The following BCHE variants were observed in gnomAD, a reference collection of about 807,000 sequenced individuals.
BCHE encodes butyrylcholinesterase.
A neutral mutation model predicts 51.3 loss-of-function variants in BCHE; 48 were observed. That is an observed-to-expected ratio of 0.94 (90% CI 0.74 to 1.19). BCHE has a LOEUF of 1.19. BCHE is among the 50% of genes most tolerant of loss of function. The pLI is 0.00. For missense variants in BCHE, 847 were observed against 708.2 expected, an observed-to-expected ratio of 1.20 and a Z score of -2.23; for synonymous variants, 251 against 238.0, an observed-to-expected ratio of 1.05 and a Z score of -0.50.
chr3:165,788,783 T>G (rs1348716820), intron 2 of BCHE, among the ~76,000 whole-genome samples: 1 of 152,310 alleles, frequency 6.6e-6, no homozygotes, highest in Non-Finnish European at 1.5e-5. Flanking sequence ...AGTGTTCATT[T>G]AACAAACTTT....
At chr3:165,784,321 T>A (rs1355374279) in intron 3 of BCHE, among the ~76,000 whole-genome samples, 4 of 152,008 alleles carry the variant, frequency 2.6e-5, no homozygotes. Context: ...ACTGATTTTG[T>A]TCAAATGTAA....
At chr3:165,817,343 C>G (rs1318293497) in intron 2 of BCHE, among the ~76,000 whole-genome samples, 1 of 152,030 alleles carries the variant, frequency 6.6e-6, no homozygotes, top group Admixed American at 6.6e-5. Flanking sequence ...ACCTACCAGT[C>G]AGAGATTTCT....
chr3:165,799,953 C>T (rs1271590266), intron 2 of BCHE, among the ~76,000 whole-genome samples: 1 of 151,970 alleles, frequency 6.6e-6, no homozygotes, highest in South Asian at 2.1e-4. Context: ...AATATCCCAT[C>T]CATATTTTCT....
Position 165,786,324 on chromosome 3 carries a change from A to G in BCHE, c.1518-13T>C, listed in dbSNP as rs756467012. ...CTCATTTGGATTCCTAAATAATAAAATAGAGACATTATAGTAAAATTGAAA... is the reference window on the plus strand; with the variant it reads ...CTCATTTGGATTCCTAAATAATAAAGTAGAGACATTATAGTAAAATTGAAA... On this transcript the variant is annotated splice_polypyrimidine_tract_variant and intron_variant, in intron 2 of 3. Transcript: ENST00000264381. 8 of 1,600,670 alleles carry G rather than the reference A, an allele frequency of 5.0e-6. No homozygotes were observed. In the South Asian group the frequency reaches 7.7e-5, roughly 15 times the overall value.
intron 2 of BCHE, among the ~76,000 whole-genome samples, chr3:165,802,627 TG>T (rs1673731987): frequency 2.0e-5 from 3 of 149,836 alleles, no homozygotes; most frequent in Non-Finnish European, 3.0e-5. Context: ...TAGGAAAATT[TG>T]TTTTTTTTTT....
chr3:165,837,362 T>C lies in BCHE; in HGVS notation c.-57A>G, dbSNP rs768588350. 1 of 1,289,796 alleles carries C rather than the reference T, an allele frequency of 7.8e-7. No individual in the cohort carries two copies. Among genetic ancestry groups the C allele is most frequent in the South Asian group, 1.2e-5 (1 of 81,032 alleles). 79.9% of individuals were successfully genotyped at this position (1,289,796 alleles called of 1,614,324 possible). On this transcript the variant is annotated 5_prime_UTR_variant, in exon 1 of 4. The change abolishes an upstream ATG in the 5' untranslated region. Transcript: ENST00000264381. The stretch of plus-strand genomic sequence containing the variant: ...CAAAGTTTGCAAGGAGTGAAAATCA[T>C]GTAATACTTCGGGGAAATGCAGGAT...
intron 3 of BCHE, among the ~76,000 whole-genome samples, chr3:165,785,666 T>C (rs1016241764): frequency 1.9e-4 from 29 of 151,706 alleles, no homozygotes; most frequent in African/African-American, 6.3e-4. Flanking sequence ...TTAGAAATTT[T>C]TTATTGTGTT....
At chr3:165,817,343 CAG>C (rs145038439) in intron 2 of BCHE, among the ~76,000 whole-genome samples, 285 of 152,148 alleles carry the variant, frequency 1.9e-3, no homozygotes, top group African/African-American at 6.7e-3. Context: ...ACCTACCAGT[CAG>C]AGATTTCTTT....
intron 3 of BCHE, among the ~76,000 whole-genome samples, chr3:165,781,367 T>G (rs994292789): frequency 6.6e-6 from 1 of 151,810 alleles, no homozygotes; most frequent in Non-Finnish European, 1.5e-5. Context: ...ATAAAGAAAA[T>G]GTGGCACATA....
rs1238848318 is a variant in BCHE at position 165,830,952 on chromosome 3, T to C, written c.82A>G (p.Thr28Ala). The C allele has an allele frequency of 6.2e-7, 1 of 1,613,866 alleles. No homozygotes were observed. The highest frequency in any genetic ancestry group is 1.7e-5 in the Admixed American group (1 of 59,954). Residue 28 changes from threonine (T) to alanine (A), a missense_variant, in exon 2 of 4, where the codon ACT (threonine) becomes GCT (alanine). By Grantham distance (58) the Thr-to-Ala change is moderately conservative (BLOSUM62 0). Coordinates refer to ENST00000264381, the MANE Select transcript of BCHE (RefSeq NM_000055.4). ...GTTGCAATTATGATGTCATCTTCAG[T>C]ATGTGACTTCCCAATAAGCATGCAG... ...LLCMLIGKSH[T>A]EDDIIIATKN...
At chr3:165,835,183 A>T (rs1402200017) in intron 1 of BCHE, among the ~76,000 whole-genome samples, 1 of 86,300 alleles carries the variant, frequency 1.2e-5, no homozygotes, top group Non-Finnish European at 2.5e-5. Context: ...TTCAAATAAA[A>T]AAGGTGACAA....
At chr3:165,801,303 A>C in intron 2 of BCHE, among the ~76,000 whole-genome samples, 1 of 152,192 alleles carries the variant, frequency 6.6e-6, no homozygotes, top group East Asian at 1.9e-4. Flanking sequence ...AAGGATAATT[A>C]TTTTATACTG....
intron 2 of BCHE, among the ~76,000 whole-genome samples, chr3:165,818,921 C>T (rs1411437192): frequency 6.6e-6 from 1 of 152,026 alleles, no homozygotes; most frequent in Non-Finnish European, 1.5e-5. Flanking sequence ...GCAAACATGG[C>T]TTCAAAATCA....
intron 3 of BCHE, among the ~76,000 whole-genome samples, chr3:165,776,374 G>A (rs1712471894): frequency 6.6e-6 from 1 of 151,874 alleles, no homozygotes; most frequent in African/African-American, 2.4e-5. Flanking sequence ...AAAGAATAAT[G>A]CTGCCACCAA....
chr3:165,781,970 C>T (rs1011846575), intron 3 of BCHE, among the ~76,000 whole-genome samples: 2 of 152,014 alleles, frequency 1.3e-5, no homozygotes, highest in Non-Finnish European at 2.9e-5. Context: ...TGTAACAACT[C>T]ATATTGTTGA....
intron 3 of BCHE, chr3:165,778,689 A>G: frequency 2.2e-6 from 1 of 454,046 alleles, no homozygotes; most frequent in South Asian, 1.6e-5. Context: ...TCATCTGTGC[A>G]GCTCTAGCTG....
At position 165,773,067 on chromosome 3, in the gene BCHE, G is replaced by A. The variant is rs369786680; in HGVS notation, c.*315C>T. 4 of 207,306 alleles carry A rather than the reference G, an allele frequency of 1.9e-5. No individual in the cohort carries two copies. In the South Asian group the frequency reaches 3.2e-4, roughly 17 times the overall value. 12.8% of individuals were successfully genotyped at this position (207,306 alleles called of 1,614,324 possible). Reference sequence around the variant, plus strand: ...ATGAAAATACACGTGACTAAAAGCAGAGCACTGATAATTTTGGGGGGAAAA... The same window carrying A: ...ATGAAAATACACGTGACTAAAAGCAAAGCACTGATAATTTTGGGGGGAAAA... On this transcript the variant is annotated 3_prime_UTR_variant, in exon 4 of 4. Transcript: ENST00000264381.
At chr3:165,780,978 A>G (rs1036213922) in intron 3 of BCHE, among the ~76,000 whole-genome samples, 3 of 152,132 alleles carry the variant, frequency 2.0e-5, no homozygotes, top group Admixed American at 6.6e-5. Flanking sequence ...GCAGTGGCTC[A>G]CACATTTAAT....
intron 3 of BCHE, among the ~76,000 whole-genome samples, chr3:165,782,157 T>A (rs1712732615): frequency 6.6e-6 from 1 of 152,168 alleles, no homozygotes; most frequent in Non-Finnish European, 1.5e-5. Flanking sequence ...ATTAATTTGT[T>A]ATATTTTTAT....
Sources: allele counts gnomAD v4.1 joint callset (sites outside exome capture counted in the v4.1 genomes callset), GRCh38; gene constraint gnomAD v4.1.1; transcripts MANE v1.5; gene names NCBI Gene and HGNC (gene_info 2026-07-23, HGNC 2026-07-21).